Variants in USH2A observed in about 807,000 individuals in gnomAD.
The protein encoded by USH2A is Usher syndrome 2A (autosomal recessive, mild).
USH2A carries 443 observed loss-of-function variants against 538.9 expected under a neutral mutation model. The ratio of observed to expected loss-of-function variants is 0.82; its 90% CI spans 0.76 to 0.89. The LOEUF (loss-of-function observed/expected upper bound fraction) is 0.89. Among genes scored for constraint, USH2A ranks in the 40% least tolerant of loss-of-function variants. The pLI, the probability that USH2A is intolerant of heterozygous loss-of-function variation, is 0.00. For missense variants in USH2A, 6,633 were observed against 6,324.8 expected, an observed-to-expected ratio of 1.05 and a Z score of -1.65; for synonymous variants, 2,413 against 2,273.5, an observed-to-expected ratio of 1.06 and a Z score of -1.75.
chr1:216,035,111 G>T (rs527537856), intron 32 of USH2A, among the ~76,000 whole-genome samples: 11 of 152,198 alleles, frequency 7.2e-5, no homozygotes, highest in African/African-American at 2.6e-4. Context: ...ATATGTTTTA[G>T]GTATTTCAGG....
intron 10 of USH2A, among the ~76,000 whole-genome samples, chr1:216,289,618 C>T (rs2036961147): frequency 6.6e-6 from 1 of 152,160 alleles, no homozygotes; most frequent in African/African-American, 2.4e-5. Context: ...CTTCATTAAA[C>T]TCCCATCTGT....
In USH2A at chr1:215,625,752, C is replaced by T; in HGVS notation, c.*29G>A. 6.2e-7 allele frequency: 1 copy of T among 1,610,590 alleles called. No homozygotes were observed. The highest frequency in any genetic ancestry group is 8.5e-7 in the Non-Finnish European group (1 of 1,176,930). On this transcript the variant is annotated 3_prime_UTR_variant, in exon 72 of 72. Transcript: ENST00000307340. Reference sequence around the variant, plus strand: ...GGAAATGGGTGCAGACCTTGCATTCCAGGGTTACGTCTTCTGGGTTTCCAT... The same window carrying T: ...GGAAATGGGTGCAGACCTTGCATTCTAGGGTTACGTCTTCTGGGTTTCCAT...
At chr1:215,780,066 A>G (rs535441048) in intron 54 of USH2A, 25 bp from the exon 55 acceptor site, 3 of 1,612,062 alleles carry the variant, frequency 1.9e-6, no homozygotes, top group East Asian at 4.5e-5. Context: ...ATTAAGCAGC[A>G]ATTTATTGTA....
chr1:215,790,252 T>A lies in USH2A; in HGVS notation c.9989A>T (p.Asn3330Ile), dbSNP rs397518050. ...GMFCCGQDYV[N>I]MSDTICCSAS... is the part of the protein sequence containing the mutation. ...TGAGCAGCATATGGTATCTGACATA[T>A]TCACATAATCCTGCCCACAACAGAA... The change falls in exon 51 of 72, where the codon AAT becomes ATT. Residue 3330 changes from asparagine to isoleucine, a missense_variant. By Grantham distance (149) the Asn-to-Ile change is moderately radical. Transcript: ENST00000307340. The A allele has an allele frequency of 4.1e-5, 66 of 1,613,918 alleles. No individual in the cohort carries two copies. In the Admixed American group the frequency reaches 1.1e-3, roughly 27 times the overall value.
chr1:215,932,705 A>T (rs1483515041), intron 38 of USH2A, among the ~76,000 whole-genome samples: 1 of 152,042 alleles, frequency 6.6e-6, no homozygotes, highest in Non-Finnish European at 1.5e-5. Flanking sequence ...AGATTTCTGA[A>T]TACATAAAGT....
intron 64 of USH2A, among the ~76,000 whole-genome samples, chr1:215,659,627 TG>T (rs1436564232): frequency 1.5e-4 from 23 of 152,176 alleles, no homozygotes; most frequent in Non-Finnish European, 5.9e-5. Context: ...GCAACTTTCC[TG>T]GGGTAAGTTT....
intron 30 of USH2A, among the ~76,000 whole-genome samples, chr1:216,069,145 C>G (rs1417769088): frequency 6.6e-6 from 1 of 152,062 alleles, no homozygotes; most frequent in Non-Finnish European, 1.5e-5. Context: ...ATTTTCCAGC[C>G]CATGTAGCTG....
At chr1:216,097,921 C>G (rs372307548) in intron 21 of USH2A, among the ~76,000 whole-genome samples, 2 of 151,600 alleles carry the variant, frequency 1.3e-5, no homozygotes, top group Non-Finnish European at 2.9e-5. Flanking sequence ...ACCCCCCTAC[C>G]ATTACATGGC....
intron 58 of USH2A, among the ~76,000 whole-genome samples, chr1:215,755,213 G>T (rs902810306): frequency 6.6e-6 from 1 of 152,170 alleles, no homozygotes; most frequent in African/African-American, 2.4e-5. Context: ...ATTTGGGGTT[G>T]AGAATCTGTC....
At chr1:215,675,701 C>T in intron 62 of USH2A, 85 bp from the exon 63 acceptor site, 5 of 1,604,762 alleles carry the variant, frequency 3.1e-6, no homozygotes, top group Non-Finnish European at 4.3e-6. Context: ...ACCTTCACCC[C>T]CTTGTTCCTT....
Position 215,779,973 on chromosome 1 carries a change from T to G in USH2A, c.10809A>C (p.Ala3603=). The change falls in exon 55 of 72, where the codon GCA becomes GCC. Residue 3603 remains alanine, a synonymous_variant. Coordinates refer to ENST00000307340, the MANE Select transcript of USH2A (RefSeq NM_206933.4). The part of the protein sequence containing the change: ...ILPPSITALS[A]VALHLSWSVP... ...CACTCCAGCTCAGATGCAGAGCCACTGCACTTAGGGCTGTGATGCTTGGTG... is the reference window on the plus strand; with the variant it reads ...CACTCCAGCTCAGATGCAGAGCCACGGCACTTAGGGCTGTGATGCTTGGTG... 1.2e-6 allele frequency: 2 copies of G among 1,614,174 alleles called. No individual in the cohort carries two copies. The highest frequency in any genetic ancestry group is 1.7e-6 in the Non-Finnish European group (2 of 1,180,034).
At chr1:216,047,288 G>C (rs1189738417) in intron 31 of USH2A, among the ~76,000 whole-genome samples, 1 of 152,036 alleles carries the variant, frequency 6.6e-6, no homozygotes, top group Non-Finnish European at 1.5e-5. Context: ...TGGTATGAAG[G>C]GTACCAGGTA....
At chr1:215,646,545 G>A (rs961432616) in intron 67 of USH2A, among the ~76,000 whole-genome samples, 1 of 150,702 alleles carries the variant, frequency 6.6e-6, no homozygotes, top group African/African-American at 2.4e-5. Flanking sequence ...GTTTTTTTTT[G>A]AGAAGGAGTC....
chr1:216,408,419 T>C (rs1372924262), intron 3 of USH2A, among the ~76,000 whole-genome samples: 1 of 152,192 alleles, frequency 6.6e-6, no homozygotes, highest in Non-Finnish European at 1.5e-5. Context: ...AAACCGTGGA[T>C]ATTACTGAAC....
Position 215,630,418 on chromosome 1 carries a change from A to ATATATGTGTGTGTG in USH2A, c.15298-1384_15298-1383insCACACACACATATA, listed in dbSNP as rs1156955085. Among the ~76,000 whole-genome samples the ATATATGTGTGTGTG allele has an allele frequency of 4.0e-5, 6 of 149,044 alleles. No individual in the cohort carries two copies. The Admixed American group carries it at 4.0e-4, about 10-fold the overall frequency. On this transcript the variant is annotated intron_variant, in intron 70 of 71. Transcript: ENST00000307340. ...CCTGCATATGTATATATGTGTGTGT[A>ATATATGTGTGTGTG]TATATATGTGTGTGTGTATATATAC...
In USH2A at chr1:215,656,769, A is replaced by C. The variant is rs1223525736; in HGVS notation, c.14134-5968T>G. ...GGGATAATGACAATATTTGATTAAAAAAAGCATTTCAACAATTCTGAGGAC... is the reference window on the plus strand; with the variant it reads ...GGGATAATGACAATATTTGATTAAACAAAGCATTTCAACAATTCTGAGGAC... On this transcript the variant is annotated intron_variant, in intron 64 of 71. Coordinates refer to ENST00000307340, the MANE Select transcript of USH2A (RefSeq NM_206933.4). Among the ~76,000 whole-genome samples the C allele has an allele frequency of 2.0e-5, 3 of 152,264 alleles. 1 individual carries two copies. Among genetic ancestry groups the C allele is most frequent in the Non-Finnish European group, 4.4e-5 (3 of 68,044 alleles).
Position 215,650,591 on chromosome 1 carries a change from C to G in USH2A, c.14343+1G>C. On this transcript the variant is annotated splice_donor_variant, in intron 65 of 71. Coordinates refer to ENST00000307340, the MANE Select transcript of USH2A (RefSeq NM_206933.4). LOFTEE classifies it high-confidence loss of function. ...CCTGGATTTTTAGCTCTGCTGCTCACCACTGTCTCAGCCCCATGGGCGCTG... is the reference window on the plus strand; with the variant it reads ...CCTGGATTTTTAGCTCTGCTGCTCAGCACTGTCTCAGCCCCATGGGCGCTG... 1 of 1,614,174 alleles carries G rather than the reference C, an allele frequency of 6.2e-7. No individual in the cohort carries two copies. The highest frequency in any genetic ancestry group is 8.5e-7 in the Non-Finnish European group (1 of 1,180,024).
chr1:216,380,591 T>C (rs2038907711), intron 3 of USH2A, among the ~76,000 whole-genome samples: 1 of 152,038 alleles, frequency 6.6e-6, no homozygotes, highest in African/African-American at 2.4e-5. Flanking sequence ...CAGAAAAAAA[T>C]ATCACTGACT....
intron 32 of USH2A, among the ~76,000 whole-genome samples, chr1:216,009,452 T>C (rs546834061): frequency 1.1e-4 from 16 of 152,214 alleles, no homozygotes; most frequent in African/African-American, 3.4e-4. Context: ...TCCTGCAAGA[T>C]CTAAATAATT....
Sources: allele counts gnomAD v4.1 joint callset (sites outside exome capture counted in the v4.1 genomes callset), GRCh38; gene constraint gnomAD v4.1.1; transcripts MANE v1.5; gene names NCBI Gene and HGNC (gene_info 2026-07-23, HGNC 2026-07-21).